SEM1: variants seen among roughly 807,000 people sequenced by gnomAD.
SEM1 encodes SEM1 26S proteasome subunit, also known as 26S proteasome complex subunit SEM1.
Under a neutral mutation model 12.7 loss-of-function variants are expected in SEM1, and 3 were observed. The ratio of observed to expected loss-of-function variants is 0.24; its 90% CI spans 0.11 to 0.61. SEM1 has a LOEUF of 0.61. SEM1 is among the 20% of genes least tolerant of loss of function. The pLI, the probability that SEM1 is intolerant of heterozygous loss-of-function variation, is 0.88. For synonymous variants in SEM1, 30 were observed against 27.8 expected (o/e 1.08, Z -0.25); for missense variants, 59 against 81.3 (o/e 0.73, Z 1.06).
rs60940244 is a variant in SEM1, at chr7:96,615,241, C to CTTTTTTTTTTTTTTTT, written c.170+79541_170+79556dup. 7.5e-4 allele frequency among the ~76,000 whole-genome samples: 95 copies of CTTTTTTTTTTTTTTTT among 126,414 alleles called. 6 individuals carry two copies. The highest frequency in any genetic ancestry group is 2.9e-3 in the African/African-American group (91 of 31,512). The allele number at this position is 126,414 out of a possible 152,430, so 82.9% of individuals were successfully genotyped here. ...ACTGTTGGGTTATTTTTTGAGTCATCTTTTTTTTTTTTTTTTTTTTTTTTG... is the reference window on the plus strand; with the variant it reads ...ACTGTTGGGTTATTTTTTGAGTCATCTTTTTTTTTTTTTTTTTTTTTTTTTTTTTTTTTTTTTTTTG... On this transcript the variant is annotated intron_variant and NMD_transcript_variant, in intron 2 of 3. Coordinates refer to the SEM1 transcript ENST00000466986.
chr7:96,541,443 G>GTTTTT (rs61049763), intron 2 of SEM1, among the ~76,000 whole-genome samples: 1 of 102,390 alleles, frequency 9.8e-6, no homozygotes, highest in Non-Finnish European at 1.9e-5. Context: ...TTTTTTTTTT[G>GTTTTT]TTTTTTTTTT....
At chr7:96,580,078 C>A (rs920452248) in intron 2 of SEM1, among the ~76,000 whole-genome samples, 7 of 148,916 alleles carry the variant, frequency 4.7e-5, no homozygotes, top group Non-Finnish European at 8.9e-5. Flanking sequence ...ACTAACTCGT[C>A]ATCTAGCATT....
intron 2 of SEM1, among the ~76,000 whole-genome samples, chr7:96,522,775 C>T (rs1163080111): frequency 7.3e-5 from 11 of 150,076 alleles, no homozygotes; most frequent in Non-Finnish European, 1.3e-4. Flanking sequence ...CTTGTAATCC[C>T]AGCTACTCCA....
At chr7:96,588,374 A>C (rs924763401) in intron 2 of SEM1, among the ~76,000 whole-genome samples, 1 of 123,090 alleles carries the variant, frequency 8.1e-6, no homozygotes, top group African/African-American at 3.1e-5. Flanking sequence ...ACACACACAC[A>C]CACACACACA....
intron 2 of SEM1, among the ~76,000 whole-genome samples, chr7:96,626,151 C>T (rs2116310609): frequency 6.6e-6 from 1 of 152,228 alleles, no homozygotes; most frequent in East Asian, 1.9e-4. Context: ...CATTAACCAT[C>T]CCACCTCCCC....
At chr7:96,623,021 A>G in intron 2 of SEM1, 1 of 179,354 alleles carries the variant, frequency 5.6e-6, no homozygotes, top group Non-Finnish European at 1.2e-5. Context: ...GTGTTTCTGG[A>G]TAGAATTAGC....
chr7:96,695,888 T>C (rs905972674), intron 1 of SEM1: 1 of 151,880 alleles, frequency 6.6e-6, no homozygotes, highest in African/African-American at 2.4e-5. Context: ...AAATATAAAA[T>C]AATATTTTAC....
At chr7:96,706,851 C>G (rs989591883) in intron 1 of SEM1, among the ~76,000 whole-genome samples, 6 of 152,148 alleles carry the variant, frequency 3.9e-5, no homozygotes, top group African/African-American at 1.4e-4. Flanking sequence ...AAAGTAAGAT[C>G]TGTTATAGAC....
intron 2 of SEM1, among the ~76,000 whole-genome samples, chr7:96,555,306 C>A (rs2115872254): frequency 6.6e-6 from 1 of 151,960 alleles, no homozygotes; most frequent in South Asian, 2.1e-4. Context: ...TGGATCTTTC[C>A]TGCTTTCTCT....
At chr7:96,531,425 A>C (rs564669675) in intron 2 of SEM1, among the ~76,000 whole-genome samples, 3 of 145,802 alleles carry the variant, frequency 2.1e-5, no homozygotes, top group Admixed American at 6.7e-5. Context: ...AAAAAAAAAA[A>C]CAACAAAAAA....
downstream of SEM1, chr7:96,672,526 A>G (rs1383681429): frequency 4.6e-5 from 7 of 152,108 alleles, no homozygotes; most frequent in Non-Finnish European, 7.4e-5. Flanking sequence ...GAGAAGGGGT[A>G]CCTTTTGTTC....
At chr7:96,599,422 G>T (rs1020977306) in intron 2 of SEM1, among the ~76,000 whole-genome samples, 5 of 151,978 alleles carry the variant, frequency 3.3e-5, no homozygotes, top group Admixed American at 1.3e-4. Context: ...TAAATGTCTG[G>T]GGTCACTCCA....
intron 1 of SEM1, among the ~76,000 whole-genome samples, chr7:96,698,697 G>A (rs1369240213): frequency 2.6e-5 from 4 of 152,090 alleles, no homozygotes; most frequent in Non-Finnish European, 1.5e-5. Context: ...CCAAGTCTTT[G>A]CTATTGTGAA....
intron 2 of SEM1, among the ~76,000 whole-genome samples, chr7:96,536,821 A>G (rs1421850480): frequency 6.6e-6 from 1 of 151,712 alleles, no homozygotes; most frequent in Non-Finnish European, 1.5e-5. Flanking sequence ...TTTAAAGTGT[A>G]TTTCTCATAG....
intron 2 of SEM1, among the ~76,000 whole-genome samples, chr7:96,508,580 A>C (rs954395427): frequency 3.3e-5 from 5 of 152,162 alleles, no homozygotes; most frequent in Admixed American, 6.6e-5. Context: ...ATCATCTTGC[A>C]TCTGGAACAT....
rs138181608 is a variant in SEM1, at chr7:96,575,908, G to A, written c.171-69210C>T. 3.6e-3 allele frequency among the ~76,000 whole-genome samples: 548 copies of A among 152,226 alleles called. 2 individuals are homozygous for A. The highest frequency in any genetic ancestry group is 5.6e-3 in the Non-Finnish European group (378 of 67,984). On this transcript the variant is annotated intron_variant and NMD_transcript_variant, in intron 2 of 3. Coordinates refer to the SEM1 transcript ENST00000466986. Reference sequence around the variant, plus strand: ...GGAAATAACCCTTTTTACTTATTTTGATCTACTTGAAGAAGACGACACATG... The same window carrying A: ...GGAAATAACCCTTTTTACTTATTTTAATCTACTTGAAGAAGACGACACATG...
upstream of SEM1, among the ~76,000 whole-genome samples, chr7:96,498,461 A>G (rs552574014): frequency 1.3e-5 from 2 of 152,278 alleles, no homozygotes; most frequent in African/African-American, 4.8e-5. Flanking sequence ...TGAGAGTCTT[A>G]TAAGGTTTGA....
intron 2 of SEM1, among the ~76,000 whole-genome samples, chr7:96,666,992 T>G (rs529552825): frequency 2.0e-4 from 31 of 152,330 alleles, no homozygotes; most frequent in African/African-American, 7.0e-4. Context: ...AAAAGCATGA[T>G]GTTAATGCAT....
chr7:96,488,153 A>G (rs528277985), intron 1 of SEM1, among the ~76,000 whole-genome samples: 91 of 152,168 alleles, frequency 6.0e-4, no homozygotes, highest in Non-Finnish European at 8.4e-4. Flanking sequence ...CCACAAGACC[A>G]ATGTACTATG....
Sources: allele counts gnomAD v4.1 joint callset (sites outside exome capture counted in the v4.1 genomes callset), GRCh38; gene constraint gnomAD v4.1.1; transcripts MANE v1.5; gene names NCBI Gene and HGNC (gene_info 2026-07-23, HGNC 2026-07-21).